Variants in NUDCD3 observed in about 807,000 individuals in gnomAD.
NUDCD3 encodes nudC domain-containing protein 3.
A neutral mutation model predicts 39.7 loss-of-function variants in NUDCD3; 13 were observed. That is an observed-to-expected ratio of 0.33 (90% CI 0.21 to 0.52). The LOEUF (loss-of-function observed/expected upper bound fraction) is 0.52, where lower values mean the gene tolerates loss of function less well. Ranked by LOEUF, NUDCD3 falls within the 20% of genes least tolerant of loss-of-function variation. NUDCD3 has a pLI of 0.96. For missense variants in NUDCD3, 453 were observed against 458.1 expected, an observed-to-expected ratio of 0.99 and a Z score of 0.10; for synonymous variants, 175 against 172.4, an observed-to-expected ratio of 1.02 and a Z score of -0.12.
At chr7:44,386,535 A>C (rs1798406085) in intron 5 of NUDCD3, among the ~76,000 whole-genome samples, 1 of 152,228 alleles carries the variant, frequency 6.6e-6, no homozygotes, top group Non-Finnish European at 1.5e-5. Context: ...AGGTGCGTAG[A>C]GAAAGTGCTC....
chr7:44,471,489 ACTCCC>A (rs769831297), intron 2 of NUDCD3, among the ~76,000 whole-genome samples: 2 of 152,062 alleles, frequency 1.3e-5, no homozygotes, highest in Non-Finnish European at 2.9e-5. Context: ...GGTCAGTCCC[ACTCCC>A]CTCCTCCTGA....
rs147184418 is a variant in NUDCD3, at chr7:44,416,930, C to CT, written c.642+10640dup. 4.4e-3 allele frequency among the ~76,000 whole-genome samples: 670 copies of CT among 152,262 alleles called. 10 individuals carry two copies. The highest frequency in any genetic ancestry group is 0.015 in the African/African-American group (643 of 41,540). ...AGCGACTGCCTGCATGATAGGAGGA[C>CT]TGGGGGGGACAACTCACTATTTCAA... On this transcript the variant is annotated intron_variant, in intron 3 of 5. Transcript: ENST00000355451.
At chr7:44,402,667 C>A (rs547971488) in intron 4 of NUDCD3, 1 of 456,518 alleles carries the variant, frequency 2.2e-6, no homozygotes, top group African/African-American at 2.0e-5. Context: ...CAGAGGGAAC[C>A]AACTTGAGAG....
intron 2 of NUDCD3, among the ~76,000 whole-genome samples, chr7:44,431,668 CTTTTTTTT>C (rs755819096): frequency 2.5e-5 from 3 of 120,844 alleles, no homozygotes; most frequent in Admixed American, 1.7e-4. Context: ...TCTCTCCTTC[CTTTTTTTT>C]TTTTTTTTTT....
chr7:44,469,115 CAAAAAAAAAAAAAA>C lies in NUDCD3; in HGVS notation c.509+15839_509+15852del, dbSNP rs756247647. Among the ~76,000 whole-genome samples, 202 of 32,866 alleles carry C rather than the reference CAAAAAAAAAAAAAA, an allele frequency of 6.1e-3. 2 individuals carry two copies. The highest frequency in any genetic ancestry group is 0.017 in the Admixed American group (43 of 2,486). The allele number at this position is 32,866 out of a possible 152,430, so 21.6% of individuals were successfully genotyped here. A position where few individuals can be genotyped will look rare whatever the true frequency, so the allele number is the denominator to read the frequency against. ...AGGGCCAGTTTTCAAACAAACAAACCAAAAAAAAAAAAAAAAAAAAAAAAAACAGGAGATTTCAG... is the reference window on the plus strand; with the variant it reads ...AGGGCCAGTTTTCAAACAAACAAACCAAAAAAAAAAAACAGGAGATTTCAG... On this transcript the variant is annotated intron_variant, in intron 2 of 5. Transcript: ENST00000355451.
intron 3 of NUDCD3, among the ~76,000 whole-genome samples, chr7:44,418,910 A>G (rs368184560): frequency 6.6e-6 from 1 of 152,218 alleles, no homozygotes; most frequent in South Asian, 2.1e-4. Flanking sequence ...GGTTCTTGCA[A>G]TCTGCAGATC....
At chr7:44,462,927 A>C (rs1213229115) in intron 2 of NUDCD3, among the ~76,000 whole-genome samples, 1 of 150,394 alleles carries the variant, frequency 6.6e-6, no homozygotes, top group Admixed American at 6.6e-5. Context: ...CTGGGTTACC[A>C]ATCAAGACAC....
In NUDCD3 at chr7:44,407,766, T is replaced by C. The variant is rs147855310; in HGVS notation, c.643-3183A>G. Among the ~76,000 whole-genome samples the C allele has an allele frequency of 1.1e-3, 163 of 151,668 alleles. 2 individuals carry two copies. Among genetic ancestry groups the C allele is most frequent in the African/African-American group, 3.8e-3 (156 of 41,362 alleles). On this transcript the variant is annotated intron_variant, in intron 3 of 5. Coordinates refer to ENST00000355451, the MANE Select transcript of NUDCD3 (RefSeq NM_015332.4). ...GAATAAAATATGAAAATAGAACAAT[T>C]AGGCCAAAAAGAAAGAACACAAGAA... is the stretch of plus-strand genomic sequence containing the variant.
chr7:44,387,955 C>G (rs1344370681), intron 5 of NUDCD3, among the ~76,000 whole-genome samples: 1 of 152,162 alleles, frequency 6.6e-6, no homozygotes, highest in African/African-American at 2.4e-5. Context: ...GCAGACAGAG[C>G]AATGGCACCT....
At chr7:44,468,347 TG>T in intron 2 of NUDCD3, 107 of 501,958 alleles carry the variant, frequency 2.1e-4, no homozygotes, top group South Asian at 1.4e-3. Context: ...ATGTAAAAAC[TG>T]CAAAAAAAAA....
At chr7:44,488,240 C>G (rs1237986852) in intron 1 of NUDCD3, among the ~76,000 whole-genome samples, 2 of 149,010 alleles carry the variant, frequency 1.3e-5, no homozygotes, top group Admixed American at 1.4e-4. Context: ...GAGGCTGAGG[C>G]AGGAGAATTG....
chr7:44,392,488 G>A lies in NUDCD3; in HGVS notation c.787-3C>T. ...TCGCCCACCTTGCTCAGGTTCACCTGGGGACAAGCAGGACAGAGACCTGAG... is the reference window on the plus strand; with the variant it reads ...TCGCCCACCTTGCTCAGGTTCACCTAGGGACAAGCAGGACAGAGACCTGAG... On this transcript the variant is annotated splice_region_variant and splice_polypyrimidine_tract_variant and intron_variant, in intron 4 of 5. Coordinates refer to ENST00000355451, the MANE Select transcript of NUDCD3 (RefSeq NM_015332.4). The A allele has an allele frequency of 6.2e-7, 1 of 1,613,484 alleles. No individual in the cohort carries two copies. The highest frequency in any genetic ancestry group is 8.5e-7 in the Non-Finnish European group (1 of 1,179,576).
At chr7:44,401,339 G>A (rs1363080674) in intron 4 of NUDCD3, among the ~76,000 whole-genome samples, 1 of 152,138 alleles carries the variant, frequency 6.6e-6, no homozygotes, top group Non-Finnish European at 1.5e-5. Context: ...GGCTTAAAAG[G>A]TCACACATAA....
In NUDCD3 at chr7:44,411,325, C is replaced by G. The variant is rs1313471553; in HGVS notation, c.643-6742G>C. Among the ~76,000 whole-genome samples, 4 of 151,964 alleles carry G rather than the reference C, an allele frequency of 2.6e-5. No homozygotes were observed. The South Asian group carries it at 6.2e-4, about 24-fold the overall frequency. On this transcript the variant is annotated intron_variant, in intron 3 of 5. Coordinates refer to ENST00000355451, the MANE Select transcript of NUDCD3 (RefSeq NM_015332.4). ...ACTTTTATGCTTCAAAGAGTAGTAT[C>G]AAGAAAGTGAAGACAACCCATAAAA...
chr7:44,434,021 T>C (rs540587004), intron 2 of NUDCD3, among the ~76,000 whole-genome samples: 1 of 152,174 alleles, frequency 6.6e-6, no homozygotes, highest in Non-Finnish European at 1.5e-5. Context: ...TTCTTCTGGG[T>C]TTCTTCATTT....
At chr7:44,429,864 C>T (rs1799319215) in intron 2 of NUDCD3, among the ~76,000 whole-genome samples, 1 of 152,008 alleles carries the variant, frequency 6.6e-6, no homozygotes, top group Non-Finnish European at 1.5e-5. Context: ...AAATGGACAG[C>T]AAAAGAAAGA....
chr7:44,476,411 G>A (rs957591398), intron 2 of NUDCD3, among the ~76,000 whole-genome samples: 1 of 152,142 alleles, frequency 6.6e-6, no homozygotes, highest in Non-Finnish European at 1.5e-5. Flanking sequence ...AGGTCATAAG[G>A]GCAGATCCCT....
intron 2 of NUDCD3, among the ~76,000 whole-genome samples, chr7:44,431,576 C>G (rs1799364258): frequency 6.6e-6 from 1 of 151,974 alleles, no homozygotes; most frequent in Non-Finnish European, 1.5e-5. Context: ...AGGTTTCTGA[C>G]CGGGTTCCTG....
intron 2 of NUDCD3, among the ~76,000 whole-genome samples, chr7:44,459,825 CCAACAATAGAA>C (rs1799973297): frequency 6.6e-6 from 1 of 152,030 alleles, no homozygotes; most frequent in Non-Finnish European, 1.5e-5. Flanking sequence ...AAGGAAGCCA[CCAACAATAGAA>C]TGATATGCTT....
Sources: gnomAD v4.1 joint callset for allele counts (sites outside exome capture counted in the v4.1 genomes callset) on GRCh38, gnomAD v4.1.1 for gene constraint, MANE v1.5 for transcripts, NCBI Gene and HGNC (gene_info 2026-07-23, HGNC 2026-07-21) for gene names.